CC2D2A: variants seen among roughly 807,000 people sequenced by gnomAD.
The protein encoded by CC2D2A is coiled-coil and C2 domain-containing protein 2A.
Under a neutral mutation model 212.9 loss-of-function variants are expected in CC2D2A, and 155 were observed. The observed-to-expected ratio is 0.73, with a 90% CI of 0.64 to 0.83. The LOEUF is 0.83. CC2D2A is among the 40% of genes least tolerant of loss of function. The pLI, the probability that CC2D2A is intolerant of heterozygous loss-of-function variation, is 0.00. For missense variants in CC2D2A, 1,856 were observed against 1,956.2 expected, an observed-to-expected ratio of 0.95 and a Z score of 0.97; for synonymous variants, 667 against 686.5, an observed-to-expected ratio of 0.97 and a Z score of 0.44.
At position 15,567,738 on chromosome 4, in the gene CC2D2A, C is replaced by A; in HGVS notation, c.3350C>A (p.Ala1117Asp). The A allele has an allele frequency of 1.9e-6, 3 of 1,605,528 alleles. No homozygotes were observed. The South Asian group carries it at 3.4e-5, about 18-fold the overall frequency. The change falls in exon 26 of 37, where the codon GCT becomes GAT. Residue 1117 changes from alanine (A) to aspartate (D), a missense_variant. By Grantham distance (126) the Ala-to-Asp change is moderately radical (BLOSUM62 -2). Around this residue, in one of 5 missense-constraint regions of CC2D2A, gnomAD observed 1,512 missense variants for 1,579.3 expected, o/e 0.96. Coordinates refer to ENST00000424120, the MANE Select transcript of CC2D2A (RefSeq NM_001378615.1). ...CGAACAGTTTGCCATACGACTACGG[C>A]TGAAGGACCAAACCCTAGCTGGAAT... is the stretch of plus-strand genomic sequence containing the variant. ...FQRTVCHTTT[A>D]EGPNPSWNEE...
At chr4:15,472,840 A>G (rs1044858734) in intron 1 of CC2D2A, among the ~76,000 whole-genome samples, 1 of 152,172 alleles carries the variant, frequency 6.6e-6, no homozygotes, top group Non-Finnish European at 1.5e-5. Context: ...TAGAGAAGAC[A>G]ATAGAATTTC....
chr4:15,571,096 T>C (rs1316245622), intron 28 of CC2D2A, among the ~76,000 whole-genome samples: 2 of 152,138 alleles, frequency 1.3e-5, no homozygotes, highest in Non-Finnish European at 2.9e-5. Context: ...ATTTTTTAAA[T>C]ATTAAATAAA....
chr4:15,590,060 G>C (rs960579783), intron 33 of CC2D2A, among the ~76,000 whole-genome samples: 1 of 152,148 alleles, frequency 6.6e-6, no homozygotes, highest in Non-Finnish European at 1.5e-5. Flanking sequence ...TTTGTCACCT[G>C]AACAGATTGG....
In CC2D2A at chr4:15,587,949, C is replaced by T. The variant is rs1372660880; in HGVS notation, c.4179+20C>T. On this transcript the variant is annotated intron_variant, in intron 32 of 36. Transcript: ENST00000424120. Reference sequence around the variant, plus strand: ...CCTGAGGTAAGACCACATAGGCTGCCTTTAACAGAGGAGTATAGTTGTCTA... The same window carrying T: ...CCTGAGGTAAGACCACATAGGCTGCTTTTAACAGAGGAGTATAGTTGTCTA... The T allele has an allele frequency of 2.9e-6, 4 of 1,386,794 alleles. No homozygotes were observed. Among genetic ancestry groups the T allele is most frequent in the Non-Finnish European group, 3.1e-6 (3 of 977,014 alleles). The allele number at this position is 1,386,794 out of a possible 1,614,324, so 85.9% of individuals were successfully genotyped here.
At chr4:15,533,604 T>C (rs1439036518) in intron 14 of CC2D2A, among the ~76,000 whole-genome samples, 3 of 152,212 alleles carry the variant, frequency 2.0e-5, no homozygotes, top group African/African-American at 7.2e-5. Flanking sequence ...ATATATAGTT[T>C]AATATTGCCT....
intron 18 of CC2D2A, 99 bp from the exon 19 acceptor site, chr4:15,553,059 C>T: frequency 9.6e-7 from 1 of 1,046,300 alleles, no homozygotes; most frequent in Non-Finnish European, 1.3e-6. Flanking sequence ...TCACCCCCAC[C>T]CACTCCAAGT....
intron 28 of CC2D2A, among the ~76,000 whole-genome samples, chr4:15,571,462 C>T (rs1033922342): frequency 1.3e-5 from 2 of 152,090 alleles, no homozygotes; most frequent in African/African-American, 4.8e-5. Flanking sequence ...CTGTAATGTC[C>T]ACACAGGGTA....
At chr4:15,601,163 C>T in intron 36 of CC2D2A, 74 bp from the exon 37 acceptor site, 1 of 1,182,790 alleles carries the variant, frequency 8.5e-7, no homozygotes, top group South Asian at 1.3e-5. Flanking sequence ...ATCTTAATTG[C>T]ATACATTTAC....
rs774587444 is a variant in CC2D2A, at chr4:15,527,591, G to A, written c.1294G>A (p.Ala432Thr). The change falls in exon 12 of 37, where the codon GCC (alanine) becomes ACC (threonine). Residue 432 changes from alanine (A) to threonine (T), a missense_variant. Ala to Thr is a moderately conservative substitution (Grantham distance 58). Around this residue, in one of 5 missense-constraint regions of CC2D2A, gnomAD observed 1,512 missense variants for 1,579.3 expected, o/e 0.96. Coordinates refer to ENST00000424120, the MANE Select transcript of CC2D2A (RefSeq NM_001378615.1). ...SREHVLAAKL[A>T]QLYDQYLARH... ...AGAGCATGTTTTGGCAGCCAAGCTG[G>A]CCCAGTTATATGACCAGTACCTTGC... 1.9e-6 allele frequency: 3 copies of A among 1,612,998 alleles called. No homozygotes were observed. In the African/African-American group the frequency reaches 4.0e-5, roughly 22 times the overall value.
chr4:15,535,701 G>A (rs1718092396), intron 14 of CC2D2A, among the ~76,000 whole-genome samples: 1 of 152,188 alleles, frequency 6.6e-6, no homozygotes, highest in Non-Finnish European at 1.5e-5. Flanking sequence ...TCATCCTAGA[G>A]AGCTGCAAGA....
intron 23 of CC2D2A, chr4:15,561,721 G>GCCCT: frequency 6.6e-6 from 1 of 152,160 alleles, no homozygotes; most frequent in Non-Finnish European, 1.5e-5. Flanking sequence ...CAAAGTCTCA[G>GCCCT]GGAGGACTTA....
rs377364038 is a variant in CC2D2A at position 15,568,819 on chromosome 4, T to C, written c.3399-474T>C. Among the ~76,000 whole-genome samples the C allele has an allele frequency of 2.8e-4, 42 of 152,286 alleles. No individual in the cohort carries two copies. The East Asian group carries it at 7.5e-3, about 27-fold the overall frequency. ...TTACCCCTGTATTGCTTTACTTATA[T>C]ACAGAAAAGGTGAGTGTGAGGCAGG... On this transcript the variant is annotated intron_variant, in intron 26 of 36. Transcript: ENST00000424120.
At chr4:15,567,807 A>G (rs753821222) in intron 26 of CC2D2A, 21 bp downstream of exon 26, 6 of 1,493,790 alleles carry the variant, frequency 4.0e-6, no homozygotes, top group South Asian at 2.5e-5. Context: ...TTTCCTCTTT[A>G]AAGAACTATA....
intron 21 of CC2D2A, among the ~76,000 whole-genome samples, chr4:15,558,700 T>C (rs1471782718): frequency 2.0e-5 from 3 of 151,920 alleles, no homozygotes; most frequent in Admixed American, 1.3e-4. Context: ...GGCACACACA[T>C]AATTTTGTTG....
Position 15,538,014 on chromosome 4 carries a change from G to A in CC2D2A, c.1880G>A (p.Arg627Gln), listed in dbSNP as rs752576142. The change falls in exon 16 of 37, where the codon CGG (arginine) becomes CAG (glutamine). Residue 627 changes from arginine to glutamine, a missense_variant. Physicochemically the swap from Arg to Gln is conservative, Grantham distance 43 (BLOSUM62 1). Around this residue, in one of 5 missense-constraint regions of CC2D2A, gnomAD observed 1,512 missense variants for 1,579.3 expected, o/e 0.96. Coordinates refer to ENST00000424120, the MANE Select transcript of CC2D2A (RefSeq NM_001378615.1). ...VKPSPPEPTD[R>Q]AVIEQEVRER... is the part of the protein sequence containing the mutation. ...CCCAGCCCTCCAGAGCCCACTGATC[G>A]GGCAGTGATAGAGCAGGAGGTGAGG... 19 of 1,608,892 alleles carry A rather than the reference G, an allele frequency of 1.2e-5. No individual in the cohort carries two copies. In the Admixed American group the frequency reaches 1.3e-4, roughly 11 times the overall value.
chr4:15,596,373 T>C (rs368448099), intron 34 of CC2D2A, among the ~76,000 whole-genome samples, 166 bp downstream of exon 34: 1 of 152,204 alleles, frequency 6.6e-6, no homozygotes, highest in East Asian at 1.9e-4. Context: ...TTTACATATA[T>C]GTGAAAGGAC....
chr4:15,506,761 C>T (rs1404515619), intron 6 of CC2D2A, among the ~76,000 whole-genome samples: 4 of 152,216 alleles, frequency 2.6e-5, no homozygotes, highest in Non-Finnish European at 4.4e-5. Context: ...GGAATCTGAT[C>T]TTTATTCTAC....
intron 3 of CC2D2A, 38 bp downstream of exon 3, chr4:15,478,844 T>C: frequency 6.8e-7 from 1 of 1,468,510 alleles, no homozygotes; most frequent in Non-Finnish European, 9.3e-7. Context: ...CGTATTGTCA[T>C]TGATCAACAA....
chr4:15,536,287 A>T (rs1718125839), intron 14 of CC2D2A, among the ~76,000 whole-genome samples: 1 of 142,380 alleles, frequency 7.0e-6, no homozygotes, highest in South Asian at 2.3e-4. Flanking sequence ...GGCGGGGAAC[A>T]TCACACACCA....
Sources: allele counts gnomAD v4.1 joint callset (sites outside exome capture counted in the v4.1 genomes callset), GRCh38; gene constraint gnomAD v4.1.1; regional missense constraint gnomAD v4.1.1; transcripts MANE v1.5; gene names NCBI Gene and HGNC (gene_info 2026-07-23, HGNC 2026-07-21).